The following CDH12 variants were observed in gnomAD, a reference collection of about 807,000 sequenced individuals.
CDH12 encodes the protein cadherin 12, also known as cadherin-12.
In CDH12, 41 loss-of-function variants were observed where a neutral mutation model predicts 74.1. The ratio of observed to expected loss-of-function variants is 0.55; its 90% CI spans 0.43 to 0.72. CDH12 has a LOEUF of 0.72. CDH12 is among the 30% of genes least tolerant of loss of function. CDH12 has a pLI of 0.00. For synonymous variants in CDH12, 399 were observed against 355.0 expected (o/e 1.12, Z -1.39); for missense variants, 945 against 977.2 (o/e 0.97, Z 0.44).
chr5:22,027,979 G>A (rs1268255782), intron 5 of CDH12, among the ~76,000 whole-genome samples: 1 of 151,986 alleles, frequency 6.6e-6, no homozygotes, highest in Non-Finnish European at 1.5e-5. Flanking sequence ...TCTACACACT[G>A]CTTTGAATGT....
chr5:22,211,689 A>G (rs2150362737), intron 4 of CDH12, among the ~76,000 whole-genome samples: 1 of 152,056 alleles, frequency 6.6e-6, no homozygotes, highest in Non-Finnish European at 1.5e-5. Context: ...TTACCTGGAT[A>G]ATTGCCCTAA....
chr5:22,775,729 T>C (rs1370276135), intron 1 of CDH12, among the ~76,000 whole-genome samples: 2 of 152,094 alleles, frequency 1.3e-5, no homozygotes, highest in Non-Finnish European at 2.9e-5. Flanking sequence ...ATGAATTACA[T>C]ATATATTTAT....
rs1554007029 is a variant in CDH12 at position 22,831,351 on chromosome 5, T to TTGTGTGTGTG, written c.-523+21697_-523+21706dup. ...CAAAGGAAGGTAGGGGTTTTGGAGT[T>TTGTGTGTGTG]TGTGTGTGTGTGTGTGTGTCTGTGT... On this transcript the variant is annotated intron_variant, in intron 1 of 14. Coordinates refer to ENST00000382254, the MANE Select transcript of CDH12 (RefSeq NM_004061.5). Among the ~76,000 whole-genome samples, 1,200 of 138,608 alleles carry TTGTGTGTGTG rather than the reference T, an allele frequency of 8.7e-3. 15 individuals carry two copies. The highest frequency in any genetic ancestry group is 0.015 in the South Asian group (66 of 4,360). 90.9% of individuals were successfully genotyped at this position (138,608 alleles called of 152,430 possible). A position where few individuals can be genotyped will look rare whatever the true frequency, so the allele number is the denominator to read the frequency against.
intron 1 of CDH12, among the ~76,000 whole-genome samples, chr5:22,674,664 T>C (rs1206484298): frequency 1.3e-5 from 2 of 152,162 alleles, no homozygotes; most frequent in Non-Finnish European, 2.9e-5. Context: ...TAGAGACTTG[T>C]TGAATGGCTT....
intron 6 of CDH12, among the ~76,000 whole-genome samples, chr5:21,911,950 A>C (rs1311971854): frequency 6.6e-6 from 1 of 152,176 alleles, no homozygotes; most frequent in Non-Finnish European, 1.5e-5. Context: ...AACTTTAAGT[A>C]TTCCAATTTC....
At position 22,087,138 on chromosome 5, in the gene CDH12, C is replaced by T. The variant is rs541478402; in HGVS notation, c.-186-8276G>A. On this transcript the variant is annotated intron_variant, in intron 4 of 14. Transcript: ENST00000382254. ...GGGGATCCTGGAATATTAAAATAAT[C>T]ATAGGTAATAATTAAGGAAACCTGA... Among the ~76,000 whole-genome samples the T allele has an allele frequency of 2.4e-4, 37 of 152,202 alleles. 1 individual carries two copies. In the South Asian group the frequency reaches 5.8e-3, roughly 24 times the overall value.
intron 6 of CDH12, among the ~76,000 whole-genome samples, chr5:21,906,864 A>G (rs1753664309): frequency 6.6e-6 from 1 of 152,134 alleles, no homozygotes. Flanking sequence ...ACATGTAGAG[A>G]CGAAGTCTCT....
chr5:22,832,891 C>T (rs551903231), intron 1 of CDH12, among the ~76,000 whole-genome samples: 73 of 152,288 alleles, frequency 4.8e-4, no homozygotes, highest in Admixed American at 1.2e-3. Flanking sequence ...TATCCTTTCA[C>T]ACCTGATATG....
chr5:22,233,305 A>T lies in CDH12; in HGVS notation c.-332-20662T>A, dbSNP rs552390564. 1.0e-3 allele frequency among the ~76,000 whole-genome samples: 152 copies of T among 151,248 alleles called. 5 individuals carry two copies. Among genetic ancestry groups the T allele is most frequent in the African/African-American group, 2.2e-3 (92 of 41,294 alleles). On this transcript the variant is annotated intron_variant, in intron 3 of 14. Transcript: ENST00000382254. ...CATAGATACATAGACAAGCAAAAAA[A>T]ATATATATATATAGTTAAATTTCTA...
Position 22,730,851 on chromosome 5 carries a change from A to G in CDH12, c.-523+122207T>C, listed in dbSNP as rs189854654. On this transcript the variant is annotated intron_variant, in intron 1 of 14. Coordinates refer to ENST00000382254, the MANE Select transcript of CDH12 (RefSeq NM_004061.5). ...ATAAAAATGATTCCCTGTAAGAAAA[A>G]TAAAACTACAATAGACACAATAAAA... Among the ~76,000 whole-genome samples the G allele has an allele frequency of 6.1e-3, 922 of 151,978 alleles. 7 individuals carry two copies. Among genetic ancestry groups the G allele is most frequent in the Middle Eastern group, 0.027 (8 of 292 alleles).
At chr5:22,462,278 T>C (rs1000302018) in intron 2 of CDH12, among the ~76,000 whole-genome samples, 69 of 152,120 alleles carry the variant, frequency 4.5e-4, no homozygotes, top group African/African-American at 1.6e-3. Context: ...GCCATATATA[T>C]GATAGAAATG....
chr5:22,439,639 G>A (rs2126538704), intron 2 of CDH12, among the ~76,000 whole-genome samples: 1 of 152,148 alleles, frequency 6.6e-6, no homozygotes, highest in Middle Eastern at 3.4e-3. Context: ...TCCTAGTCTT[G>A]TATAAGCACT....
chr5:21,957,070 C>A (rs1756134048), intron 6 of CDH12, among the ~76,000 whole-genome samples: 1 of 152,150 alleles, frequency 6.6e-6, no homozygotes, highest in Non-Finnish European at 1.5e-5. Flanking sequence ...CTGTCACCCT[C>A]CACTCTCAAG....
At chr5:21,828,040 A>G (rs1469998909) in intron 8 of CDH12, among the ~76,000 whole-genome samples, 1 of 152,216 alleles carries the variant, frequency 6.6e-6, no homozygotes, top group Non-Finnish European at 1.5e-5. Context: ...ACTTTACAAA[A>G]ATATGCCACA....
chr5:21,878,010 C>T (rs1752030186), intron 6 of CDH12, among the ~76,000 whole-genome samples: 1 of 152,190 alleles, frequency 6.6e-6, no homozygotes, highest in African/African-American at 2.4e-5. Flanking sequence ...CACGATGATG[C>T]CACATGACTT....
chr5:21,833,307 G>A lies in CDH12; in HGVS notation c.814+8854C>T, dbSNP rs868481697. ...ATATAACATATAATATATATTATAT[G>A]TTATATGTTATATAATATATATTAT... On this transcript the variant is annotated intron_variant, in intron 8 of 14. Coordinates refer to ENST00000382254, the MANE Select transcript of CDH12 (RefSeq NM_004061.5). Among the ~76,000 whole-genome samples, 11 of 26,464 alleles carry A rather than the reference G, an allele frequency of 4.2e-4. 1 individual carries two copies. Among genetic ancestry groups the A allele is most frequent in the African/African-American group, 2.1e-3 (2 of 968 alleles). 17.4% of individuals were successfully genotyped at this position (26,464 alleles called of 152,430 possible).
chr5:22,802,489 G>GACT (rs1266754638), intron 1 of CDH12, among the ~76,000 whole-genome samples: 2 of 152,086 alleles, frequency 1.3e-5, no homozygotes, highest in African/African-American at 2.4e-5. Context: ...TAAATAATTA[G>GACT]ACTTCTGTTT....
intron 4 of CDH12, among the ~76,000 whole-genome samples, chr5:22,183,405 C>T (rs1481943131): frequency 6.6e-6 from 1 of 152,058 alleles, no homozygotes; most frequent in African/African-American, 2.4e-5. Flanking sequence ...GAAGTTATAG[C>T]ACAGACTACT....
At chr5:22,236,106 G>A (rs1167179647) in intron 3 of CDH12, among the ~76,000 whole-genome samples, 1 of 152,224 alleles carries the variant, frequency 6.6e-6, no homozygotes, top group Non-Finnish European at 1.5e-5. Flanking sequence ...ACTGGGGCTT[G>A]TAGAACTGAA....
Sources: gnomAD v4.1 joint callset for allele counts (sites outside exome capture counted in the v4.1 genomes callset) on GRCh38, gnomAD v4.1.1 for gene constraint, MANE v1.5 for transcripts, NCBI Gene and HGNC (gene_info 2026-07-23, HGNC 2026-07-21) for gene names.